KCNQ1: variants seen among roughly 807,000 people sequenced by gnomAD.
KCNQ1 encodes potassium voltage-gated channel subfamily KQT member 1.
A neutral mutation model predicts 72.4 loss-of-function variants in KCNQ1; 49 were observed. The observed-to-expected ratio is 0.68, with a 90% confidence interval of 0.54 to 0.86. The LOEUF is 0.86. Ranked by LOEUF, KCNQ1 falls within the 40% of genes least tolerant of loss-of-function variation. The probability of loss-of-function intolerance (pLI) is 0.00; values close to 1 mark genes in which losing one functional copy is unlikely to be tolerated. For missense variants in KCNQ1, 790 were observed against 945.1 expected (o/e 0.84, Z 2.15); for synonymous variants, 450 against 412.6 (o/e 1.09, Z -1.10).
Position 2,451,965 on chromosome 11 carries a change from C to T in KCNQ1, c.386+6481C>T, listed in dbSNP as rs1218740144. Among the ~76,000 whole-genome samples, 1 of 152,132 alleles carries T rather than the reference C, an allele frequency of 6.6e-6. No individual in the cohort carries two copies. The highest frequency in any genetic ancestry group is 1.9e-4 in the East Asian group (1 of 5,180). On this transcript the variant is annotated intron_variant, in intron 1 of 15. Coordinates refer to ENST00000155840, the MANE Select transcript of KCNQ1 (RefSeq NM_000218.3). This position sits in a 1 kb window ranked among gnomAD's most constrained non-coding sequence, Gnocchi z 6.4. ...CAGGCCCAGTTTGTATCCATGGGCACCCCCACTCCCACCTAGCACTTGCCA... is the reference window on the plus strand; with the variant it reads ...CAGGCCCAGTTTGTATCCATGGGCATCCCCACTCCCACCTAGCACTTGCCA...
rs375839841 is a variant in KCNQ1 at position 2,721,728 on chromosome 11, G to A, written c.1515-47116G>A. Among the ~76,000 whole-genome samples the A allele has an allele frequency of 2.2e-4, 33 of 152,300 alleles. 1 individual carries two copies. The highest frequency in any genetic ancestry group is 6.2e-4 in the South Asian group (3 of 4,822). On this transcript the variant is annotated intron_variant, in intron 11 of 15. Transcript: ENST00000155840. ...AGGCCTCCGGCCGTTTGTCTCTTCCGACAGCAGCGGTGGTGATGGTCCCCT... is the reference window on the plus strand; with the variant it reads ...AGGCCTCCGGCCGTTTGTCTCTTCCAACAGCAGCGGTGGTGATGGTCCCCT...
At chr11:2,709,186 G>T (rs903357930) in intron 11 of KCNQ1, among the ~76,000 whole-genome samples, 14 of 151,884 alleles carry the variant, frequency 9.2e-5, no homozygotes, top group Admixed American at 6.5e-4. Context: ...GCCCTGGAGC[G>T]TGGGAGCCTC....
chr11:2,700,391 C>T (rs376527355), intron 11 of KCNQ1, among the ~76,000 whole-genome samples: 8 of 152,250 alleles, frequency 5.3e-5, no homozygotes, highest in African/African-American at 1.7e-4. Context: ...GGGGTGACCG[C>T]GTGAGGACAG....
chr11:2,736,667 G>A (rs1339375000), intron 11 of KCNQ1, among the ~76,000 whole-genome samples: 1 of 152,202 alleles, frequency 6.6e-6, no homozygotes, highest in African/African-American at 2.4e-5. Context: ...CCTTCCAGGT[G>A]TCCCTTGTGA....
chr11:2,695,614 T>C lies in KCNQ1; in HGVS notation c.1514+33533T>C. 2.5e-6 allele frequency: 1 copy of C among 398,546 alleles called. No individual in the cohort carries two copies. The highest frequency in any genetic ancestry group is 4.4e-6 in the Non-Finnish European group (1 of 226,048). 24.7% of individuals were successfully genotyped at this position (398,546 alleles called of 1,614,324 possible). ...TCTGGGTGAGAACTGCTCCAGCATG[T>C]TTACTTAGGAGGGAAACTGCTGGGC... is the stretch of plus-strand genomic sequence containing the variant. On this transcript the variant is annotated intron_variant, in intron 11 of 15. Coordinates refer to ENST00000155840, the MANE Select transcript of KCNQ1 (RefSeq NM_000218.3). The surrounding 1 kb of genome is among the most constrained non-coding windows in gnomAD (Gnocchi z 5.2).
Position 2,544,883 on chromosome 11 carries a change from A to C in KCNQ1, c.477+16865A>C, listed in dbSNP as rs898424672. 2.6e-5 allele frequency among the ~76,000 whole-genome samples: 4 copies of C among 152,206 alleles called. No homozygotes were observed. Among genetic ancestry groups the C allele is most frequent in the African/African-American group, 9.6e-5 (4 of 41,454 alleles). ...TGAACACTGCTGTGTCCCCAGCCTT[A>C]GAAGACACACATCATTGTTCACCGT... On this transcript the variant is annotated intron_variant, in intron 2 of 15. Transcript: ENST00000155840. This position sits in a 1 kb window ranked among gnomAD's most constrained non-coding sequence, Gnocchi z 4.4.
chr11:2,711,206 G>A lies in KCNQ1; in HGVS notation c.1514+49125G>A, dbSNP rs1190622485. Among the ~76,000 whole-genome samples, 1 of 152,176 alleles carries A rather than the reference G, an allele frequency of 6.6e-6. No individual in the cohort carries two copies. The highest frequency in any genetic ancestry group is 2.4e-5 in the African/African-American group (1 of 41,422). ...TGCACTACTTTGTAAATCCTACAGG[G>A]TTTTGTGTGACAGTGACTGGCAGCC... is the stretch of plus-strand genomic sequence containing the variant. On this transcript the variant is annotated intron_variant, in intron 11 of 15. Transcript: ENST00000155840. This position sits in a 1 kb window ranked among gnomAD's most constrained non-coding sequence, Gnocchi z 5.4.
intron 11 of KCNQ1, among the ~76,000 whole-genome samples, chr11:2,717,030 A>T (rs1276536736): frequency 1.3e-5 from 2 of 152,182 alleles, no homozygotes; most frequent in East Asian, 3.9e-4. Context: ...CTGCTGAGTG[A>T]CAAACAGCCC....
At chr11:2,591,844 G>T (rs962361115) in intron 10 of KCNQ1, among the ~76,000 whole-genome samples, 5 of 152,268 alleles carry the variant, frequency 3.3e-5, no homozygotes, top group African/African-American at 1.2e-4. Context: ...GCTTTCTGGA[G>T]CCTGAGCTGT....
rs1195490340 is a variant in KCNQ1, at chr11:2,748,398, G to A, written c.1515-20446G>A. On this transcript the variant is annotated intron_variant, in intron 11 of 15. Coordinates refer to ENST00000155840, the MANE Select transcript of KCNQ1 (RefSeq NM_000218.3). The surrounding 1 kb of genome is among the most constrained non-coding windows in gnomAD (Gnocchi z 6.2). The stretch of plus-strand genomic sequence containing the variant: ...GTTGTGTGTGTTGGGTAGATGTGGT[G>A]AGGTGTGCTGGTGGGGAGGGTCCCT... Among the ~76,000 whole-genome samples the A allele has an allele frequency of 6.6e-6, 1 of 152,198 alleles. No individual in the cohort carries two copies. Among genetic ancestry groups the A allele is most frequent in the Admixed American group, 6.5e-5 (1 of 15,288 alleles).
At chr11:2,727,966 G>A (rs1427320445) in intron 11 of KCNQ1, among the ~76,000 whole-genome samples, 1 of 152,116 alleles carries the variant, frequency 6.6e-6, no homozygotes, top group Non-Finnish European at 1.5e-5. Context: ...CATATGTGGT[G>A]CAAAATCTAA....
chr11:2,702,395 C>G (rs895182781), intron 11 of KCNQ1, among the ~76,000 whole-genome samples: 1 of 152,200 alleles, frequency 6.6e-6, no homozygotes, highest in African/African-American at 2.4e-5. Context: ...ATGTCGAACA[C>G]AGGCTGAAAA....
chr11:2,780,009 G>A (rs1006756733), intron 15 of KCNQ1, among the ~76,000 whole-genome samples: 6 of 152,234 alleles, frequency 3.9e-5, no homozygotes, highest in South Asian at 2.1e-4. Flanking sequence ...CGAGGATTCT[G>A]GTAGATTCTG....
Position 2,458,804 on chromosome 11 carries a change from T to C in KCNQ1, c.386+13320T>C, listed in dbSNP as rs1846233674. The stretch of plus-strand genomic sequence containing the variant: ...CTTGCAGAATCCCAGTGGTGGGGGA[T>C]GGCTCTGTAGGACACATGACCTGAT... On this transcript the variant is annotated intron_variant, in intron 1 of 15. Transcript: ENST00000155840. The surrounding 1 kb of genome is among the most constrained non-coding windows in gnomAD (Gnocchi z 4.6). Among the ~76,000 whole-genome samples, 3 of 152,312 alleles carry C rather than the reference T, an allele frequency of 2.0e-5. No individual in the cohort carries two copies. Among genetic ancestry groups the C allele is most frequent in the South Asian group, 4.1e-4 (2 of 4,828 alleles).
At chr11:2,467,502 C>T (rs1356302995) in intron 1 of KCNQ1, among the ~76,000 whole-genome samples, 2 of 152,152 alleles carry the variant, frequency 1.3e-5, no homozygotes, top group African/African-American at 2.4e-5. Context: ...ACAGATACAG[C>T]CTCAGGAAGT....
At chr11:2,789,845 G>A (rs1158345568) in intron 15 of KCNQ1, among the ~76,000 whole-genome samples, 2 of 152,184 alleles carry the variant, frequency 1.3e-5, no homozygotes, top group African/African-American at 4.8e-5. Flanking sequence ...TGATGGGAAA[G>A]GGAACCTCAG....
intron 15 of KCNQ1, among the ~76,000 whole-genome samples, chr11:2,840,936 A>C (rs1848196680): frequency 6.6e-6 from 1 of 151,856 alleles, no homozygotes; most frequent in South Asian, 2.1e-4. Flanking sequence ...TGCAGCGCCA[A>C]CTCTACCCTC....
chr11:2,445,586 C>A (rs1036445827), intron 1 of KCNQ1, 102 bp downstream of exon 1: 2 of 1,359,874 alleles, frequency 1.5e-6, no homozygotes. Context: ...AGCTGCGACC[C>A]CGGAGCAGAG....
chr11:2,616,469 G>A lies in KCNQ1; in HGVS notation c.1393+27615G>A, dbSNP rs141464726. The A allele has an allele frequency of 5.0e-4, 198 of 397,480 alleles. 2 individuals are homozygous for A. Among genetic ancestry groups the A allele is most frequent in the East Asian group, 4.9e-3 (138 of 27,954 alleles). 24.6% of individuals were successfully genotyped at this position (397,480 alleles called of 1,614,324 possible). On this transcript the variant is annotated intron_variant, in intron 10 of 15. Transcript: ENST00000155840. ...ACTTCGTTCTTCTTTCTCTGGTTAC[G>A]TAAGGTATAATATTAGGTTATGGAT...
Sources: allele counts gnomAD v4.1 joint callset (sites outside exome capture counted in the v4.1 genomes callset), GRCh38; gene constraint gnomAD v4.1.1; non-coding constraint Gnocchi (gnomAD v3.1); transcripts MANE v1.5; gene names NCBI Gene and HGNC (gene_info 2026-07-23, HGNC 2026-07-21).